The following THBS2 variants were observed in gnomAD, a reference collection of about 807,000 sequenced individuals.
THBS2 encodes thrombospondin-2.
In THBS2, 47 loss-of-function variants were observed where a neutral mutation model predicts 135.2. The observed-to-expected ratio is 0.35, with a 90% CI of 0.28 to 0.44. THBS2 has a LOEUF of 0.44. Among genes scored for constraint, THBS2 ranks in the 20% least tolerant of loss-of-function variants. The probability of loss-of-function intolerance (pLI) is 1.00; values close to 1 mark genes in which losing one functional copy is unlikely to be tolerated. For synonymous variants in THBS2, 639 were observed against 633.8 expected, an observed-to-expected ratio of 1.01 and a Z score of -0.12; for missense variants, 1,288 against 1,603.1, an observed-to-expected ratio of 0.80 and a Z score of 3.36.
At position 169,228,198 on chromosome 6, in the gene THBS2, G is replaced by A. The variant is rs552603239; in HGVS notation, c.2343C>T (p.Tyr781=). 1.2e-5 allele frequency: 20 copies of A among 1,614,138 alleles called. No homozygotes were observed. The highest frequency in any genetic ancestry group is 2.2e-5 in the East Asian group (1 of 44,882). ...EVGDRCDNCP[Y]VHNPAQIDTD... ...TGTCGATCTGGGCAGGGTTGTGCACGTAAGGGCAGTTGTCACAGCGGTCCC... is the reference window on the plus strand; with the variant it reads ...TGTCGATCTGGGCAGGGTTGTGCACATAAGGGCAGTTGTCACAGCGGTCCC... The change falls in exon 15 of 22, where the codon TAC becomes TAT. Residue 781 remains tyrosine, a synonymous_variant. Coordinates refer to ENST00000617924, the MANE Select transcript of THBS2 (RefSeq NM_003247.5).
In THBS2 at chr6:169,242,040, C is replaced by T. The variant is rs542197015; in HGVS notation, c.695-82G>A. ...GGCTGGGAACAGAGGGAGGATGACCCGCCCTGGCTCCCGGAGCGGCCTGGT... is the reference window on the plus strand; with the variant it reads ...GGCTGGGAACAGAGGGAGGATGACCTGCCCTGGCTCCCGGAGCGGCCTGGT... On this transcript the variant is annotated intron_variant, in intron 4 of 21. Coordinates refer to ENST00000617924, the MANE Select transcript of THBS2 (RefSeq NM_003247.5). 728 of 1,473,988 alleles carry T rather than the reference C, an allele frequency of 4.9e-4. 2 individuals are homozygous for T. The highest frequency in any genetic ancestry group is 6.3e-4 in the Non-Finnish European group (690 of 1,100,560). The allele number at this position is 1,473,988 out of a possible 1,614,324, so 91.3% of individuals were successfully genotyped here.
chr6:169,242,187 G>A (rs1780331574), intron 4 of THBS2, among the ~76,000 whole-genome samples: 1 of 152,098 alleles, frequency 6.6e-6, no homozygotes, highest in Non-Finnish European at 1.5e-5. Flanking sequence ...CAGGGACAGG[G>A]GACAGTGGCT....
Position 169,234,891 on chromosome 6 carries a change from G to A in THBS2, c.1494C>T (p.Ser498=), listed in dbSNP as rs568834818. Residue 498 remains serine, a synonymous_variant, in exon 10 of 22, where the codon AGC becomes AGT. Transcript: ENST00000617924. ...TGCAGGCCGACCACGGGGACCAGGG[G>A]CTCCAGCGGCCATCGACTGCGGGGA... is the stretch of plus-strand genomic sequence containing the variant. ...GAPCPIDGRW[S]PWSPWSACTV... 17 of 1,607,154 alleles carry A rather than the reference G, an allele frequency of 1.1e-5. No individual in the cohort carries two copies. The highest frequency in any genetic ancestry group is 1.3e-5 in the African/African-American group (1 of 74,788).
Position 169,220,200 on chromosome 6 carries a change from C to G in THBS2, c.3509G>C (p.Arg1170Thr). 1 of 1,613,534 alleles carries G rather than the reference C, an allele frequency of 6.2e-7. No individual in the cohort carries two copies. The highest frequency in any genetic ancestry group is 8.5e-7 in the Non-Finnish European group (1 of 1,179,694). Residue 1170 changes from arginine (R) to threonine (T), a missense_variant and splice_region_variant, in exon 21 of 22, where the codon AGA becomes ACA. This residue lies in a region of THBS2 where 874 missense variants were observed against 1,156.1 expected (regional missense o/e 0.76). Coordinates refer to ENST00000617924, the MANE Select transcript of THBS2 (RefSeq NM_003247.5). ...TAACCTGAAGTGCTCACACTCACCT[C>G]TGCATTCGTACTTGAGGTCTGAGAA... ...VYFSDLKYEC[R>T]DI
rs774264270 is a variant in THBS2, at chr6:169,237,758, C to T, written c.1167G>A (p.Glu389=). 1.2e-6 allele frequency: 2 copies of T among 1,611,980 alleles called. No homozygotes were observed. The highest frequency in any genetic ancestry group is 1.7e-6 in the Non-Finnish European group (2 of 1,179,972). ...DGEEGWSPWA[E]WTQCSVTCGS... is the part of the protein sequence containing the mutation. ...CACACGTCACGGAGCACTGGGTCCA[C>T]TCTGCCCACGGAGACCAGCCCTCCT... The change falls in exon 8 of 22, where the codon GAG becomes GAA. Residue 389 remains glutamate, a synonymous_variant. Coordinates refer to ENST00000617924, the MANE Select transcript of THBS2 (RefSeq NM_003247.5).
At chr6:169,229,448 A>G in intron 14 of THBS2, 124 bp downstream of exon 14, 1 of 742,570 alleles carries the variant, frequency 1.3e-6, no homozygotes, top group South Asian at 1.8e-5. Flanking sequence ...GGAACTGCCT[A>G]TGCACAAACG....
chr6:169,229,717 TAGGAA>T (rs1421468667), intron 13 of THBS2, 38 bp from the exon 14 acceptor site: 1 of 1,541,936 alleles, frequency 6.5e-7, no homozygotes, highest in East Asian at 2.3e-5. Flanking sequence ...GAAAAACATT[TAGGAA>T]AGCGCCTCTT....
chr6:169,241,725 G>A lies in THBS2; in HGVS notation c.891+37C>T. The stretch of plus-strand genomic sequence containing the variant: ...ATGGGCCAGCGGCGGAGCTGCCCAT[G>A]CCCTATGACCCCCGCGGCCCCTGCG... On this transcript the variant is annotated intron_variant, in intron 5 of 21. Coordinates refer to ENST00000617924, the MANE Select transcript of THBS2 (RefSeq NM_003247.5). This position sits in a 1 kb window ranked among gnomAD's most constrained non-coding sequence, Gnocchi z 5.5. The A allele has an allele frequency of 6.4e-7, 1 of 1,566,956 alleles. No homozygotes were observed. Among genetic ancestry groups the A allele is most frequent in the Non-Finnish European group, 8.7e-7 (1 of 1,149,082 alleles).
intron 9 of THBS2, among the ~76,000 whole-genome samples, chr6:169,236,157 CA>C: frequency 1.7e-5 from 2 of 120,780 alleles, no homozygotes; most frequent in East Asian, 2.7e-4. Context: ...TCCCCATCCA[CA>C]CTCACTCCCC....
In THBS2 at chr6:169,241,417, ATGTG is replaced by A. The variant is rs767694093; in HGVS notation, c.891+341_891+344del. Among the ~76,000 whole-genome samples the A allele has an allele frequency of 2.5e-4, 37 of 148,376 alleles. No individual in the cohort carries two copies. Among genetic ancestry groups the A allele is most frequent in the African/African-American group, 9.1e-4 (36 of 39,680 alleles). Reference sequence around the variant, plus strand: ...CCTCTGCAGGTGTGTGTGTGTGTGTATGTGTGTGTATGTGTGTGTGTATGTGTGT... The same window carrying A: ...CCTCTGCAGGTGTGTGTGTGTGTGTATGTGTATGTGTGTGTGTATGTGTGT... On this transcript the variant is annotated intron_variant, in intron 5 of 21. Coordinates refer to ENST00000617924, the MANE Select transcript of THBS2 (RefSeq NM_003247.5). The surrounding 1 kb of genome is among the most constrained non-coding windows in gnomAD (Gnocchi z 5.5).
At chr6:169,237,576 CG>C (rs1224402638) in intron 8 of THBS2, 48 bp downstream of exon 8, 2 of 1,606,384 alleles carry the variant, frequency 1.2e-6, no homozygotes, top group Non-Finnish European at 1.7e-6. Flanking sequence ...CTGAGAGAAA[CG>C]CGGCCCCACC....
Position 169,241,692 on chromosome 6 carries a change from C to T in THBS2, c.891+70G>A. The stretch of plus-strand genomic sequence containing the variant: ...CTGCCAAGCCAGGGAATGTTGATAC[C>T]TGCTGAGATGGGCCAGCGGCGGAGC... On this transcript the variant is annotated intron_variant, in intron 5 of 21. Transcript: ENST00000617924. The surrounding 1 kb of genome is among the most constrained non-coding windows in gnomAD (Gnocchi z 5.5). 1.3e-6 allele frequency: 2 copies of T among 1,485,794 alleles called. No individual in the cohort carries two copies. Among genetic ancestry groups the T allele is most frequent in the South Asian group, 1.3e-5 (1 of 78,756 alleles). 92.0% of individuals were successfully genotyped at this position (1,485,794 alleles called of 1,614,324 possible). A position where few individuals can be genotyped will look rare whatever the true frequency, so the allele number is the denominator to read the frequency against.
intron 17 of THBS2, 29 bp downstream of exon 17, chr6:169,225,116 C>G: frequency 6.2e-7 from 1 of 1,608,432 alleles, no homozygotes; most frequent in Non-Finnish European, 8.5e-7. Flanking sequence ...CCATTTTCCT[C>G]CACGCCCATG....
chr6:169,228,359 G>A, intron 14 of THBS2, 78 bp from the exon 15 acceptor site: 1 of 1,502,916 alleles, frequency 6.7e-7, no homozygotes, highest in East Asian at 2.4e-5. Flanking sequence ...TATAAGTTAT[G>A]TACTCAAGGT....
chr6:169,229,820 A>G lies in THBS2; in HGVS notation c.2152-141T>C, dbSNP rs934896030. ...CTCGATCTCAAGCGGGAGCTGAGAG[A>G]GGAGCCAGGAGGCCAGAAGCGCATG... is the stretch of plus-strand genomic sequence containing the variant. On this transcript the variant is annotated intron_variant, in intron 13 of 21. Transcript: ENST00000617924. 2.8e-5 allele frequency: 17 copies of G among 612,912 alleles called. No homozygotes were observed. In the East Asian group the frequency reaches 4.7e-4, roughly 17 times the overall value. 38.0% of individuals were successfully genotyped at this position (612,912 alleles called of 1,614,324 possible). A position where few individuals can be genotyped will look rare whatever the true frequency, so the allele number is the denominator to read the frequency against.
chr6:169,218,628 T>C (rs1160073646), intron 21 of THBS2, among the ~76,000 whole-genome samples: 2 of 89,782 alleles, frequency 2.2e-5, no homozygotes, highest in East Asian at 2.6e-4. Flanking sequence ...AATGGATGGA[T>C]GGATGAGATG....
chr6:169,250,674 T>C, intron 2 of THBS2, 59 bp downstream of exon 2: 1 of 1,505,808 alleles, frequency 6.6e-7, no homozygotes, highest in Non-Finnish European at 9.1e-7. Flanking sequence ...ATCTCTCCCC[T>C]TGCAGCTAAG....
In THBS2 at chr6:169,222,202, C is replaced by G; in HGVS notation, c.3268G>C (p.Gly1090Arg). The G allele has an allele frequency of 6.2e-7, 1 of 1,603,358 alleles. No homozygotes were observed. Among genetic ancestry groups the G allele is most frequent in the African/African-American group, 1.3e-5 (1 of 74,958 alleles). ...NALWHTGNTP[G>R]QVRTLWHDPR... is the part of the protein sequence containing the mutation. The stretch of plus-strand genomic sequence containing the variant: ...GCCTGGCCAGCCAACCTCACCTGCC[C>G]CGGCGTGTTCCCCGTGTGCCACAGC... Residue 1090 changes from glycine (G) to arginine (R), a missense_variant, in exon 19 of 22, where the codon GGG becomes CGG. Coordinates refer to ENST00000617924, the MANE Select transcript of THBS2 (RefSeq NM_003247.5).
At position 169,232,697 on chromosome 6, in the gene THBS2, C is replaced by T; in HGVS notation, c.1899G>A (p.Gly633=). The T allele has an allele frequency of 6.2e-7, 1 of 1,611,888 alleles. No individual in the cohort carries two copies. The highest frequency in any genetic ancestry group is 8.5e-7 in the Non-Finnish European group (1 of 1,179,064). The change falls in exon 12 of 22, where the codon GGG becomes GGA. Residue 633 remains glycine, a synonymous_variant. Transcript: ENST00000617924. ...PPRYRGNQPV[G]VGLEAAKTEK... is the part of the protein sequence containing the mutation. Reference sequence around the variant, plus strand: ...CCGTCTTGGCTGCTTCCAGGCCGACCCCGACGGGCTGGTTCCCTCTGTATC... The same window carrying T: ...CCGTCTTGGCTGCTTCCAGGCCGACTCCGACGGGCTGGTTCCCTCTGTATC...
Sources: gnomAD v4.1 joint callset for allele counts (sites outside exome capture counted in the v4.1 genomes callset) on GRCh38, gnomAD v4.1.1 for gene constraint, gnomAD v4.1.1 regional missense constraint, Gnocchi (gnomAD v3.1) non-coding constraint, MANE v1.5 for transcripts, NCBI Gene and HGNC (gene_info 2026-07-23, HGNC 2026-07-21) for gene names.